Variants in CCDC60 observed in about 807,000 individuals in gnomAD.
The protein encoded by CCDC60 is coiled-coil domain-containing protein 60.
In CCDC60, 54 loss-of-function variants were observed where a neutral mutation model predicts 63.5. The observed-to-expected ratio is 0.85, with a 90% CI of 0.68 to 1.07. The LOEUF is 1.07. Ranked by LOEUF, CCDC60 falls within the 50% of genes least tolerant of loss-of-function variation. CCDC60 has a pLI of 0.00. For missense variants in CCDC60, 651 were observed against 684.3 expected (o/e 0.95, Z 0.54); for synonymous variants, 206 against 238.8 (o/e 0.86, Z 1.27).
intron 1 of CCDC60, among the ~76,000 whole-genome samples, chr12:119,413,862 A>AG (rs1956650458): frequency 6.6e-6 from 1 of 152,262 alleles, no homozygotes; most frequent in Non-Finnish European, 1.5e-5. Context: ...ATTTTACTGA[A>AG]GGGTTCACAG....
intron 1 of CCDC60, 45 bp from the exon 2 acceptor site, chr12:119,428,638 T>C (rs749208693): frequency 3.7e-5 from 48 of 1,306,774 alleles, no homozygotes; most frequent in Admixed American, 1.9e-4. Flanking sequence ...TTTGGAAGCA[T>C]TGTATTAACA....
At chr12:119,369,710 TG>T (rs1415499939) in intron 1 of CCDC60, among the ~76,000 whole-genome samples, 2 of 152,134 alleles carry the variant, frequency 1.3e-5, no homozygotes, top group African/African-American at 2.4e-5. Flanking sequence ...AATTAGCTCG[TG>T]GGGTTGTTAG....
intron 7 of CCDC60, among the ~76,000 whole-genome samples, chr12:119,507,063 G>A (rs369312955): frequency 7.2e-5 from 11 of 152,180 alleles, no homozygotes; most frequent in Non-Finnish European, 1.2e-4. Context: ...CAACACTGGC[G>A]GCCAGTGTTC....
In CCDC60 at chr12:119,481,393, G is replaced by T. The variant is rs544423138; in HGVS notation, c.449+2192G>T. 3.9e-5 allele frequency among the ~76,000 whole-genome samples: 6 copies of T among 152,086 alleles called. No individual in the cohort carries two copies. The East Asian group carries it at 1.2e-3, about 29-fold the overall frequency. On this transcript the variant is annotated intron_variant, in intron 4 of 13. Transcript: ENST00000327554. ...GTGGGCTTTCACTTGCATCTGAATCGTCTGGGGGTGGGGGAGAGCAGGGAG... is the reference window on the plus strand; with the variant it reads ...GTGGGCTTTCACTTGCATCTGAATCTTCTGGGGGTGGGGGAGAGCAGGGAG...
chr12:119,521,044 G>A (rs555472804), intron 9 of CCDC60, among the ~76,000 whole-genome samples: 34 of 152,258 alleles, frequency 2.2e-4, no homozygotes, highest in African/African-American at 6.0e-4. Flanking sequence ...TTTTAAATGC[G>A]TACTATACAG....
chr12:119,522,501 C>T (rs1247508327), intron 9 of CCDC60, among the ~76,000 whole-genome samples: 1 of 152,196 alleles, frequency 6.6e-6, no homozygotes, highest in Non-Finnish European at 1.5e-5. Context: ...CTAAACTGCA[C>T]CTGGTCCAGT....
intron 4 of CCDC60, 96 bp downstream of exon 4, chr12:119,479,297 C>T: frequency 1.2e-6 from 1 of 803,790 alleles, no homozygotes; most frequent in Admixed American, 2.3e-5. Flanking sequence ...GTAGCTGTTC[C>T]TTTGTCCTCT....
chr12:119,478,056 G>A lies in CCDC60; in HGVS notation c.342-1038G>A, dbSNP rs142457493. Reference sequence around the variant, plus strand: ...CAGCCAGGTGCAATGTCTCACGCCTGTAATCCCAGCACTTTGGGAGGCCAA... The same window carrying A: ...CAGCCAGGTGCAATGTCTCACGCCTATAATCCCAGCACTTTGGGAGGCCAA... On this transcript the variant is annotated intron_variant, in intron 3 of 13. Transcript: ENST00000327554. Among the ~76,000 whole-genome samples, 1,356 of 152,296 alleles carry A rather than the reference G, an allele frequency of 8.9e-3. 23 individuals are homozygous for A. The highest frequency in any genetic ancestry group is 0.031 in the African/African-American group (1,289 of 41,564).
intron 2 of CCDC60, among the ~76,000 whole-genome samples, chr12:119,462,334 A>T (rs1950870311): frequency 6.6e-6 from 1 of 152,176 alleles, no homozygotes; most frequent in African/African-American, 2.4e-5. Context: ...ACAGCTTTTT[A>T]AAAATCTTCA....
chr12:119,471,835 ACT>A (rs1171991819), intron 2 of CCDC60, among the ~76,000 whole-genome samples, 157 bp from the exon 3 acceptor site: 3 of 110,778 alleles, frequency 2.7e-5, no homozygotes, highest in African/African-American at 7.1e-5. Flanking sequence ...TCCCTCTCTC[ACT>A]CTCTTTCTCT....
intron 11 of CCDC60, chr12:119,524,378 T>A: frequency 1.1e-6 from 1 of 889,254 alleles, no homozygotes; most frequent in Non-Finnish European, 1.3e-6. Flanking sequence ...ACCCAATAAC[T>A]TCTGCCCTTT....
Position 119,524,716 on chromosome 12 carries a change from C to CTTTTT in CCDC60, c.1229+902_1229+903insTTTTT, listed in dbSNP as rs1416953138. Among the ~76,000 whole-genome samples the CTTTTT allele has an allele frequency of 2.9e-3, 260 of 90,356 alleles. 5 individuals are homozygous for CTTTTT. The highest frequency in any genetic ancestry group is 3.7e-3 in the Non-Finnish European group (177 of 48,104). 59.3% of individuals were successfully genotyped at this position (90,356 alleles called of 152,430 possible). A position where few individuals can be genotyped will look rare whatever the true frequency, so the allele number is the denominator to read the frequency against. On this transcript the variant is annotated intron_variant, in intron 11 of 13. Coordinates refer to ENST00000327554, the MANE Select transcript of CCDC60 (RefSeq NM_178499.5). ...AGGAAACAGCAGTTTCTTTTCTTTT[C>CTTTTT]TTTTCTTTTTTTTTTTTTTTTTTTG...
intron 2 of CCDC60, among the ~76,000 whole-genome samples, chr12:119,465,376 C>A (rs804463): frequency 0.89 from 135,558 of 152,252 alleles, 60,749 homozygotes; most frequent in East Asian, 1. Context: ...CCTCAGCTTC[C>A]AGGTATCCCA....
intron 2 of CCDC60, among the ~76,000 whole-genome samples, chr12:119,468,582 T>C (rs1279399524): frequency 1.3e-5 from 2 of 152,168 alleles, no homozygotes; most frequent in Non-Finnish European, 2.9e-5. Flanking sequence ...AGTGGTAATC[T>C]TCCAGGAGCA....
At chr12:119,422,903 A>G (rs971523025) in intron 1 of CCDC60, among the ~76,000 whole-genome samples, 1 of 152,236 alleles carries the variant, frequency 6.6e-6, no homozygotes, top group Non-Finnish European at 1.5e-5. Flanking sequence ...GTGAATTTCA[A>G]TGGCAAAAAC....
chr12:119,485,537 G>A (rs1183902273), intron 4 of CCDC60, among the ~76,000 whole-genome samples: 6 of 152,152 alleles, frequency 3.9e-5, no homozygotes, highest in East Asian at 3.9e-4. Flanking sequence ...CAACCCTCTC[G>A]AGGTTGGAGG....
At chr12:119,389,304 A>C (rs1956114370) in intron 1 of CCDC60, among the ~76,000 whole-genome samples, 1 of 152,230 alleles carries the variant, frequency 6.6e-6, no homozygotes, top group East Asian at 1.9e-4. Flanking sequence ...TGTTTTTATA[A>C]ATAAAGTTAT....
chr12:119,357,869 C>T (rs781407255), intron 1 of CCDC60, among the ~76,000 whole-genome samples: 1 of 152,168 alleles, frequency 6.6e-6, no homozygotes, highest in Non-Finnish European at 1.5e-5. Flanking sequence ...GTTTAATTTG[C>T]TCATGGTTCT....
intron 2 of CCDC60, among the ~76,000 whole-genome samples, chr12:119,470,686 G>A (rs1951040700): frequency 6.6e-6 from 1 of 152,188 alleles, no homozygotes; most frequent in South Asian, 2.1e-4. Flanking sequence ...AGGAGAGGAA[G>A]AGGCCACCTT....
Sources: allele counts gnomAD v4.1 joint callset (sites outside exome capture counted in the v4.1 genomes callset), GRCh38; gene constraint gnomAD v4.1.1; transcripts MANE v1.5; gene names NCBI Gene and HGNC (gene_info 2026-07-23, HGNC 2026-07-21).